The following ZNF462 variants were observed in gnomAD, a reference collection of about 807,000 sequenced individuals.
ZNF462 encodes zinc finger PBX1-interacting protein.
A neutral mutation model predicts 201.9 loss-of-function variants in ZNF462; 10 were observed. That is an observed-to-expected ratio of 0.05 (90% CI 0.03 to 0.08). The LOEUF is 0.08. Ranked by LOEUF, ZNF462 falls within the 10% of genes least tolerant of loss-of-function variation. The pLI, the probability that ZNF462 is intolerant of heterozygous loss-of-function variation, is 1.00. For missense variants in ZNF462, 2,523 were observed against 3,168.3 expected (o/e 0.80, Z 4.89); for synonymous variants, 1,227 against 1,193.3 (o/e 1.03, Z -0.58).
intron 1 of ZNF462, among the ~76,000 whole-genome samples, chr9:106,904,315 T>C (rs760421985): frequency 6.6e-6 from 1 of 152,146 alleles, no homozygotes; most frequent in Non-Finnish European, 1.5e-5. Context: ...ATCTGATAGG[T>C]TTTCCTTTAT....
chr9:106,971,384 C>A (rs1431948126), intron 7 of ZNF462, among the ~76,000 whole-genome samples: 1 of 150,786 alleles, frequency 6.6e-6, no homozygotes, highest in Non-Finnish European at 1.5e-5. Flanking sequence ...AAAACAACAA[C>A]AACAAAATAA....
Position 106,929,193 on chromosome 9 carries a change from C to T in ZNF462, c.5281C>T (p.Arg1761Trp), listed in dbSNP as rs753773063. ...DDSPQLSEEL[R>W]RAVEKKKCSL... ...CTCCCCTCAGCTGAGCGAGGAACTC[C>T]GGCGGGCAGTGGAGAAGAAAAAGTG... The change falls in exon 3 of 13, where the codon CGG becomes TGG. Residue 1761 changes from arginine (R) to tryptophan (W), a missense_variant. By Grantham distance (101) the Arg-to-Trp change is moderately radical. Around this residue, in one of 15 missense-constraint regions of ZNF462, gnomAD observed 207 missense variants for 231.6 expected, o/e 0.89. Coordinates refer to ENST00000277225, the MANE Select transcript of ZNF462 (RefSeq NM_021224.6). The surrounding 1 kb of genome is among the most constrained non-coding windows in gnomAD (Gnocchi z 8.7). The T allele has an allele frequency of 9.9e-6, 16 of 1,614,028 alleles. No individual in the cohort carries two copies. The highest frequency in any genetic ancestry group is 1.7e-5 in the Admixed American group (1 of 60,000).
Position 106,974,400 on chromosome 9 carries a change from AAACCACAGTGAT to A in ZNF462, c.6832+139_6832+150del. ...GTTCCTCACCTTATCTTCAGGCAAG[AAACCACAGTGAT>A]AACCACAGTGACAGCCAAAAGGGCA... On this transcript the variant is annotated intron_variant, in intron 9 of 12. Transcript: ENST00000277225. The surrounding 1 kb of genome is among the most constrained non-coding windows in gnomAD (Gnocchi z 4.0). The A allele has an allele frequency of 7.0e-7, 1 of 1,424,428 alleles. No homozygotes were observed. The highest frequency in any genetic ancestry group is 1.4e-5 in the African/African-American group (1 of 71,234). 88.2% of individuals were successfully genotyped at this position (1,424,428 alleles called of 1,614,324 possible).
chr9:106,984,260 G>T lies in ZNF462; in HGVS notation c.6907G>T (p.Asp2303Tyr). 1.2e-6 allele frequency: 2 copies of T among 1,614,110 alleles called. No homozygotes were observed. The highest frequency in any genetic ancestry group is 1.7e-6 in the Non-Finnish European group (2 of 1,179,994). Residue 2303 changes from aspartate (D) to tyrosine (Y), a missense_variant, in exon 10 of 13, where the codon GAT becomes TAT. Physicochemically the swap from Asp to Tyr is radical, Grantham distance 160. Around this residue, in one of 15 missense-constraint regions of ZNF462, gnomAD observed 228 missense variants for 361.2 expected, o/e 0.63. Coordinates refer to ENST00000277225, the MANE Select transcript of ZNF462 (RefSeq NM_021224.6). The surrounding 1 kb of genome is among the most constrained non-coding windows in gnomAD (Gnocchi z 6.4). ...KYLQGVVFRC[D>Y]KCTFTCSSDE... ...CTTGCAGGGAGTAGTTTTCCGCTGT[G>T]ATAAGTGTACCTTCACCTGCTCCAG...
rs1830218966 is a variant in ZNF462 at position 106,926,944 on chromosome 9, C to T, written c.3032C>T (p.Thr1011Ile). Residue 1011 changes from threonine (T) to isoleucine (I), a missense_variant, in exon 3 of 13, where the codon ACC becomes ATC. By Grantham distance (89) the Thr-to-Ile change is moderately conservative. Transcript: ENST00000277225. This position sits in a 1 kb window ranked among gnomAD's most constrained non-coding sequence, Gnocchi z 7.9. ...PATFNKNTPK[T>I]FTPECENQKD... ...ACGTTCAACAAAAACACTCCTAAGA[C>T]CTTTACTCCTGAATGTGAAAATCAG... 1 of 1,613,982 alleles carries T rather than the reference C, an allele frequency of 6.2e-7. No homozygotes were observed. Among genetic ancestry groups the T allele is most frequent in the African/African-American group, 1.3e-5 (1 of 74,874 alleles).
At chr9:106,944,975 C>T (rs866177793) in intron 7 of ZNF462, among the ~76,000 whole-genome samples, 1 of 152,082 alleles carries the variant, frequency 6.6e-6, no homozygotes, top group African/African-American at 2.4e-5. Flanking sequence ...TGGCTGTGTT[C>T]CAATAAAACT....
rs1490877304 is a variant in ZNF462, at chr9:107,008,611, G to A, written c.7190-934G>A. Among the ~76,000 whole-genome samples, 2 of 152,180 alleles carry A rather than the reference G, an allele frequency of 1.3e-5. No individual in the cohort carries two copies. The highest frequency in any genetic ancestry group is 2.9e-5 in the Non-Finnish European group (2 of 68,030). On this transcript the variant is annotated intron_variant, in intron 11 of 12. Coordinates refer to ENST00000277225, the MANE Select transcript of ZNF462 (RefSeq NM_021224.6). The surrounding 1 kb of genome is among the most constrained non-coding windows in gnomAD (Gnocchi z 4.8). ...TACCTACATGAAGACTTGGCCCTCTGTGGTATAATGAAACACATATGGGCT... is the reference window on the plus strand; with the variant it reads ...TACCTACATGAAGACTTGGCCCTCTATGGTATAATGAAACACATATGGGCT...
Position 106,928,662 on chromosome 9 carries a change from T to C in ZNF462, c.4750T>C (p.Tyr1584His). ...YGAYRCKLCP[Y>H]THGTLEKLKI... Reference sequence around the variant, plus strand: ...CGCCTACCGGTGCAAACTGTGTCCGTACACACACGGCACTTTGGAGAAACT... The same window carrying C: ...CGCCTACCGGTGCAAACTGTGTCCGCACACACACGGCACTTTGGAGAAACT... The change falls in exon 3 of 13, where the codon TAC (tyrosine) becomes CAC (histidine). Residue 1584 changes from tyrosine (Y) to histidine (H), a missense_variant. By Grantham distance (83) the Tyr-to-His change is moderately conservative (BLOSUM62 2). Coordinates refer to ENST00000277225, the MANE Select transcript of ZNF462 (RefSeq NM_021224.6). The surrounding 1 kb of genome is among the most constrained non-coding windows in gnomAD (Gnocchi z 9.3). 1 of 1,614,132 alleles carries C rather than the reference T, an allele frequency of 6.2e-7. No individual in the cohort carries two copies. Among genetic ancestry groups the C allele is most frequent in the Non-Finnish European group, 8.5e-7 (1 of 1,180,030 alleles).
Position 106,938,584 on chromosome 9 carries a change from G to A in ZNF462, c.6236-332G>A, listed in dbSNP as rs1327083006. Among the ~76,000 whole-genome samples, 2 of 152,162 alleles carry A rather than the reference G, an allele frequency of 1.3e-5. No homozygotes were observed. The highest frequency in any genetic ancestry group is 3.9e-4 in the East Asian group (2 of 5,188). On this transcript the variant is annotated intron_variant, in intron 6 of 12. Coordinates refer to ENST00000277225, the MANE Select transcript of ZNF462 (RefSeq NM_021224.6). The surrounding 1 kb of genome is among the most constrained non-coding windows in gnomAD (Gnocchi z 4.4). ...GTCATTTCTAGTGTAGAGAGGGAGG[G>A]AAAGGGATTGGAAATTTTTCTAAAG...
intron 10 of ZNF462, among the ~76,000 whole-genome samples, chr9:106,986,810 T>C (rs1025723333): frequency 3.9e-5 from 6 of 152,116 alleles, no homozygotes; most frequent in African/African-American, 1.4e-4. Flanking sequence ...TGTATTATTC[T>C]TAGGCTTTTT....
chr9:106,874,810 C>G (rs574336995), intron 1 of ZNF462, among the ~76,000 whole-genome samples: 8 of 152,194 alleles, frequency 5.3e-5, no homozygotes, highest in Admixed American at 2.0e-4. Flanking sequence ...TTGTGAAATT[C>G]ATCCCTGCCC....
upstream of ZNF462, among the ~76,000 whole-genome samples, chr9:106,860,596 C>G (rs1390828856): frequency 6.6e-6 from 1 of 152,202 alleles, no homozygotes; most frequent in Admixed American, 6.5e-5. This position sits in a 1 kb window ranked among gnomAD's most constrained non-coding sequence, Gnocchi z 7.1. Context: ...CTCCAAAACC[C>G]AGCAGTAATA....
intron 1 of ZNF462, among the ~76,000 whole-genome samples, chr9:106,896,326 A>G (rs867405191): frequency 1.3e-5 from 2 of 152,154 alleles, no homozygotes; most frequent in African/African-American, 2.4e-5. Context: ...TTTTGGCTCA[A>G]TCGAAAATGA....
In ZNF462 at chr9:106,881,059, C is replaced by T. The variant is rs563301045; in HGVS notation, c.-31+17704C>T. 7.2e-5 allele frequency among the ~76,000 whole-genome samples: 11 copies of T among 152,274 alleles called. No individual in the cohort carries two copies. The South Asian group carries it at 2.1e-3, about 29-fold the overall frequency. On this transcript the variant is annotated intron_variant, in intron 1 of 12. Transcript: ENST00000277225. Reference sequence around the variant, plus strand: ...CCTTTCCTGCGTCATTCCAGGCAGGCCTTGGCATGCTTCGCCAGATGAGTA... The same window carrying T: ...CCTTTCCTGCGTCATTCCAGGCAGGTCTTGGCATGCTTCGCCAGATGAGTA...
intron 1 of ZNF462, among the ~76,000 whole-genome samples, chr9:106,915,655 C>T (rs1187754698): frequency 6.6e-6 from 1 of 152,138 alleles, no homozygotes; most frequent in Non-Finnish European, 1.5e-5. Context: ...GAAGGACAGC[C>T]TTCTGTTGGC....
intron 1 of ZNF462, among the ~76,000 whole-genome samples, chr9:106,878,086 T>G (rs1283742985): frequency 6.6e-6 from 1 of 152,172 alleles, no homozygotes; most frequent in Non-Finnish European, 1.5e-5. Context: ...TATTTGTGAC[T>G]ACAGAGTAGT....
At chr9:107,007,106 C>T (rs550220555) in intron 11 of ZNF462, among the ~76,000 whole-genome samples, 1 of 152,254 alleles carries the variant, frequency 6.6e-6, no homozygotes, top group African/African-American at 2.4e-5. Context: ...TGCCTTTTCT[C>T]CTCTGGAAAT....
At chr9:106,943,834 A>G (rs915824259) in intron 7 of ZNF462, among the ~76,000 whole-genome samples, 3 of 152,164 alleles carry the variant, frequency 2.0e-5, no homozygotes, top group African/African-American at 4.8e-5. Flanking sequence ...TTTTAACTCC[A>G]CTAACCAAAT....
At chr9:106,991,102 A>G (rs1010360707) in intron 10 of ZNF462, among the ~76,000 whole-genome samples, 16 of 152,066 alleles carry the variant, frequency 1.1e-4, no homozygotes, top group African/African-American at 3.6e-4. Flanking sequence ...TGAGAATTGG[A>G]AAGGAAGAAA....
Sources: allele counts gnomAD v4.1 joint callset (sites outside exome capture counted in the v4.1 genomes callset), GRCh38; gene constraint gnomAD v4.1.1; regional missense constraint gnomAD v4.1.1; non-coding constraint Gnocchi (gnomAD v3.1); transcripts MANE v1.5; gene names NCBI Gene and HGNC (gene_info 2026-07-23, HGNC 2026-07-21).